CAMK1D: variants seen among roughly 807,000 people sequenced by gnomAD.
The protein encoded by CAMK1D is calcium/calmodulin-dependent protein kinase type 1D.
Under a neutral mutation model 47.7 loss-of-function variants are expected in CAMK1D, and 9 were observed. That is an observed-to-expected ratio of 0.19 (90% CI 0.11 to 0.33). The LOEUF (loss-of-function observed/expected upper bound fraction) is 0.33. Ranked by LOEUF, CAMK1D falls within the 10% of genes least tolerant of loss-of-function variation. The pLI is 1.00. For missense variants in CAMK1D, 291 were observed against 488.7 expected, an observed-to-expected ratio of 0.60 and a Z score of 3.81; for synonymous variants, 184 against 184.9, an observed-to-expected ratio of 0.99 and a Z score of 0.04.
At chr10:12,357,344 C>A (rs577810390) in intron 1 of CAMK1D, among the ~76,000 whole-genome samples, 18 of 151,432 alleles carry the variant, frequency 1.2e-4, no homozygotes, top group Admixed American at 3.3e-4. Flanking sequence ...GAGACGGAGT[C>A]TCACTCTGTC....
chr10:12,509,813 T>C (rs1834987991), intron 1 of CAMK1D, among the ~76,000 whole-genome samples: 1 of 152,192 alleles, frequency 6.6e-6, no homozygotes. Flanking sequence ...GTCCTGCCGT[T>C]CTACATAATA....
intron 1 of CAMK1D, among the ~76,000 whole-genome samples, chr10:12,466,300 T>G (rs1833587580): frequency 6.6e-6 from 1 of 152,046 alleles, no homozygotes; most frequent in Non-Finnish European, 1.5e-5. Flanking sequence ...CCCAGCTGCT[T>G]GGGAGGCTGA....
intron 4 of CAMK1D, among the ~76,000 whole-genome samples, chr10:12,764,041 T>TC (rs1308850314): frequency 1.3e-5 from 2 of 151,842 alleles, no homozygotes; most frequent in Non-Finnish European, 1.5e-5. Flanking sequence ...TCTTCCCTCC[T>TC]CCCCCAGGAA....
Position 12,414,556 on chromosome 10 carries a change from C to G in CAMK1D, c.92+64646C>G, listed in dbSNP as rs1472362308. 5.9e-5 allele frequency among the ~76,000 whole-genome samples: 9 copies of G among 152,108 alleles called. No individual in the cohort carries two copies. The South Asian group carries it at 1.9e-3, about 31-fold the overall frequency. On this transcript the variant is annotated intron_variant, in intron 1 of 10. Coordinates refer to ENST00000619168, the MANE Select transcript of CAMK1D (RefSeq NM_153498.4). The stretch of plus-strand genomic sequence containing the variant: ...GTACAAGCATTTTGCATTTTTCAAA[C>G]TTTTTACAGTTTTCTCGAGCCTCGC...
chr10:12,762,879 C>G lies in CAMK1D; in HGVS notation c.438+1793C>G, dbSNP rs114871253. Among the ~76,000 whole-genome samples the G allele has an allele frequency of 4.6e-3, 705 of 152,334 alleles. 6 individuals are homozygous for G. Among genetic ancestry groups the G allele is most frequent in the African/African-American group, 0.016 (651 of 41,588 alleles). On this transcript the variant is annotated intron_variant, in intron 4 of 10. Transcript: ENST00000619168. ...TCTTGTGCCCCCACAAATGCCAGTT[C>G]TGTGCTTCCAGAACACATAGGCAGC...
intron 3 of CAMK1D, among the ~76,000 whole-genome samples, chr10:12,685,946 C>T (rs1056232614): frequency 2.0e-5 from 3 of 152,188 alleles, no homozygotes; most frequent in African/African-American, 7.2e-5. Flanking sequence ...TGTTCCAGCA[C>T]TTCCAGACTA....
At chr10:12,628,545 G>A (rs183375228) in intron 2 of CAMK1D, among the ~76,000 whole-genome samples, 2 of 152,232 alleles carry the variant, frequency 1.3e-5, no homozygotes, top group Admixed American at 6.5e-5. Flanking sequence ...GAATTAGGGT[G>A]GTACATTTGT....
chr10:12,684,369 G>T (rs1832569573), intron 3 of CAMK1D, among the ~76,000 whole-genome samples: 2 of 152,112 alleles, frequency 1.3e-5, no homozygotes, highest in Non-Finnish European at 2.9e-5. Context: ...AGAGAAGGGG[G>T]TATCTCGGAA....
intron 1 of CAMK1D, among the ~76,000 whole-genome samples, chr10:12,372,131 G>A (rs1838023821): frequency 6.6e-6 from 1 of 152,138 alleles, no homozygotes; most frequent in South Asian, 2.1e-4. Context: ...ATCTAGCCTA[G>A]GTGTGTAGTA....
At chr10:12,427,551 A>G (rs1840275051) in intron 1 of CAMK1D, among the ~76,000 whole-genome samples, 1 of 152,032 alleles carries the variant, frequency 6.6e-6, no homozygotes. Context: ...CAGGTCTGGG[A>G]GGGCAGAGAA....
intron 4 of CAMK1D, among the ~76,000 whole-genome samples, chr10:12,768,369 T>G (rs2130927293): frequency 6.6e-6 from 1 of 152,284 alleles, no homozygotes; most frequent in East Asian, 1.9e-4. Context: ...CCTTTCACAC[T>G]CTACATAAGA....
intron 1 of CAMK1D, among the ~76,000 whole-genome samples, chr10:12,388,807 A>G (rs971674045): frequency 1.3e-5 from 2 of 152,142 alleles, no homozygotes; most frequent in Admixed American, 1.3e-4. Context: ...AGGGAAAACC[A>G]TCCCACCGCT....
intron 5 of CAMK1D, among the ~76,000 whole-genome samples, chr10:12,779,964 C>T (rs770361122): frequency 6.6e-6 from 1 of 152,244 alleles, no homozygotes; most frequent in Non-Finnish European, 1.5e-5. Context: ...TCATTTCCTT[C>T]TGGAACTTAG....
chr10:12,664,614 G>A (rs967592206), intron 2 of CAMK1D, among the ~76,000 whole-genome samples: 1 of 152,218 alleles, frequency 6.6e-6, no homozygotes, highest in African/African-American at 2.4e-5. Context: ...GGCTGCAGGT[G>A]CCAATCTCTA....
chr10:12,695,268 G>A (rs1028900207), intron 3 of CAMK1D, among the ~76,000 whole-genome samples: 15 of 152,152 alleles, frequency 9.9e-5, no homozygotes, highest in Admixed American at 9.2e-4. Context: ...TTTCTTTTAG[G>A]ACTGTGGATC....
rs1264059213 is a variant in CAMK1D at position 12,493,095 on chromosome 10, C to G, written c.93-60130C>G. ...ATAACAGGGCATTGTGGCATGTTTA[C>G]TGAGCCAAGTAGGCAAATCTTTTCA... On this transcript the variant is annotated intron_variant, in intron 1 of 10. Coordinates refer to ENST00000619168, the MANE Select transcript of CAMK1D (RefSeq NM_153498.4). Among the ~76,000 whole-genome samples the G allele has an allele frequency of 2.0e-5, 3 of 152,204 alleles. No individual in the cohort carries two copies. The East Asian group carries it at 5.8e-4, about 29-fold the overall frequency.
At chr10:12,512,481 C>T (rs563221499) in intron 1 of CAMK1D, among the ~76,000 whole-genome samples, 8 of 152,322 alleles carry the variant, frequency 5.3e-5, no homozygotes, top group South Asian at 4.1e-4. Flanking sequence ...CTGCAACCTT[C>T]GCCTCCCGGG....
intron 1 of CAMK1D, among the ~76,000 whole-genome samples, chr10:12,477,790 T>C (rs1415470164): frequency 6.6e-6 from 1 of 152,070 alleles, no homozygotes; most frequent in African/African-American, 2.4e-5. Flanking sequence ...GGAAAGGTGA[T>C]TGACAAACAT....
At chr10:12,542,876 G>C (rs1836241613) in intron 1 of CAMK1D, among the ~76,000 whole-genome samples, 1 of 152,116 alleles carries the variant, frequency 6.6e-6, no homozygotes, top group African/African-American at 2.4e-5. Flanking sequence ...CTCCCAAGTA[G>C]CTGGGATTAC....
Sources: gnomAD v4.1 joint callset for allele counts (sites outside exome capture counted in the v4.1 genomes callset) on GRCh38, gnomAD v4.1.1 for gene constraint, MANE v1.5 for transcripts, NCBI Gene and HGNC (gene_info 2026-07-23, HGNC 2026-07-21) for gene names.